FOXO3: variants seen among roughly 807,000 people sequenced by gnomAD.
FOXO3 encodes the protein forkhead box protein O3.
In FOXO3, 4 loss-of-function variants were observed where a neutral mutation model predicts 41.9. The ratio of observed to expected loss-of-function variants is 0.10; its 90% CI spans 0.05 to 0.22. The LOEUF is 0.22. Ranked by LOEUF, FOXO3 falls within the 10% of genes least tolerant of loss-of-function variation. The pLI, the probability that FOXO3 is intolerant of heterozygous loss-of-function variation, is 1.00. For synonymous variants in FOXO3, 318 were observed against 389.3 expected, an observed-to-expected ratio of 0.82 and a Z score of 2.16; for missense variants, 534 against 906.8, an observed-to-expected ratio of 0.59 and a Z score of 5.28.
At chr6:108,623,001 C>T (rs775626076) in intron 1 of FOXO3, among the ~76,000 whole-genome samples, 4 of 151,430 alleles carry the variant, frequency 2.6e-5, no homozygotes, top group African/African-American at 7.3e-5. Flanking sequence ...GGAGGGTGGG[C>T]CACGTCCAGG....
intron 2 of FOXO3, 109 bp downstream of exon 2, chr6:108,664,998 T>A: frequency 8.4e-7 from 1 of 1,186,578 alleles, no homozygotes; most frequent in South Asian, 1.6e-5. Flanking sequence ...CTGAAAACCA[T>A]GGAGCAGTGG....
chr6:108,676,684 G>A (rs1156667820), intron 2 of FOXO3, among the ~76,000 whole-genome samples: 2 of 152,286 alleles, frequency 1.3e-5, no homozygotes, highest in East Asian at 1.9e-4. Context: ...CATGAAACTT[G>A]TACCCAAGCT....
intron 2 of FOXO3, among the ~76,000 whole-genome samples, chr6:108,666,223 G>A (rs2128388282): frequency 6.6e-6 from 1 of 152,282 alleles, no homozygotes; most frequent in South Asian, 2.1e-4. Flanking sequence ...GCAGTAGGCT[G>A]AAATATGTAC....
intron 1 of FOXO3, among the ~76,000 whole-genome samples, chr6:108,611,014 A>G (rs996303928): frequency 6.6e-6 from 1 of 152,154 alleles, no homozygotes; most frequent in African/African-American, 2.4e-5. Flanking sequence ...GCTTATTTTC[A>G]TCAGTCCCTC....
At chr6:108,667,843 G>A (rs1391402754) in intron 2 of FOXO3, among the ~76,000 whole-genome samples, 1 of 152,308 alleles carries the variant, frequency 6.6e-6, no homozygotes, top group East Asian at 1.9e-4. Flanking sequence ...TGACCACAGA[G>A]CATTTAAAGA....
At chr6:108,579,233 T>G (rs190901626) in intron 1 of FOXO3, among the ~76,000 whole-genome samples, 1 of 152,326 alleles carries the variant, frequency 6.6e-6, no homozygotes, top group East Asian at 1.9e-4. Flanking sequence ...CAAGATGATA[T>G]GGCTTGAGTG....
chr6:108,563,385 C>T (rs1219625755), intron 1 of FOXO3, among the ~76,000 whole-genome samples: 2 of 152,106 alleles, frequency 1.3e-5, no homozygotes, highest in Non-Finnish European at 2.9e-5. Context: ...TAAAAGAATG[C>T]CAGGTGTATG....
Position 108,594,011 on chromosome 6 carries a change from G to A in FOXO3, c.621+32182G>A, listed in dbSNP as rs543736824. 4.6e-5 allele frequency among the ~76,000 whole-genome samples: 7 copies of A among 152,186 alleles called. No homozygotes were observed. The South Asian group carries it at 1.5e-3, about 32-fold the overall frequency. ...TGGAATTACAGGTGTGAGCCACCGT[G>A]ACCGGCCTTTGCTGTGTATTTCTTT... On this transcript the variant is annotated intron_variant, in intron 1 of 2. Coordinates refer to ENST00000406360, the MANE Select transcript of FOXO3 (RefSeq NM_001455.4).
intron 1 of FOXO3, among the ~76,000 whole-genome samples, chr6:108,569,501 C>T (rs531253197): frequency 9.5e-4 from 145 of 152,224 alleles, no homozygotes; most frequent in Non-Finnish European, 1.8e-3. Flanking sequence ...CTATAATTCG[C>T]TTGTTCCACT....
rs1777952379 is a variant in FOXO3 at position 108,630,861 on chromosome 6, G to C, written c.622-32594G>C. On this transcript the variant is annotated intron_variant, in intron 1 of 2. Transcript: ENST00000406360. The stretch of plus-strand genomic sequence containing the variant: ...CTATTTTCTCTCTTTGCCACCAAGG[G>C]TTGTTGTACTCCTTCTCAACCAGTC... Among the ~76,000 whole-genome samples the C allele has an allele frequency of 1.3e-5, 2 of 152,074 alleles. 1 individual carries two copies. The highest frequency in any genetic ancestry group is 4.8e-5 in the African/African-American group (2 of 41,400).
At chr6:108,567,822 G>C (rs1222859265) in intron 1 of FOXO3, among the ~76,000 whole-genome samples, 2 of 152,156 alleles carry the variant, frequency 1.3e-5, no homozygotes, top group African/African-American at 2.4e-5. Context: ...CCAGGTGGGT[G>C]GATCACCTGA....
intron 1 of FOXO3, among the ~76,000 whole-genome samples, chr6:108,601,630 C>G (rs1229702709): frequency 6.6e-6 from 1 of 152,176 alleles, no homozygotes; most frequent in African/African-American, 2.4e-5. Flanking sequence ...CTTATAGCAA[C>G]AGCTACCTCC....
chr6:108,562,136 C>T (rs1775818235), intron 1 of FOXO3, among the ~76,000 whole-genome samples: 1 of 151,960 alleles, frequency 6.6e-6, no homozygotes, highest in South Asian at 2.1e-4. Flanking sequence ...CCGGACAGCA[C>T]CGAGGAGGTA....
intron 1 of FOXO3, among the ~76,000 whole-genome samples, chr6:108,622,153 C>T (rs982807003): frequency 6.7e-6 from 1 of 149,602 alleles, no homozygotes; most frequent in Non-Finnish European, 1.5e-5. Context: ...CAGCCACTTG[C>T]GAGGCTGAGG....
chr6:108,644,550 C>T (rs780857639), intron 1 of FOXO3, among the ~76,000 whole-genome samples: 1 of 152,200 alleles, frequency 6.6e-6, no homozygotes, highest in South Asian at 2.1e-4. Flanking sequence ...TGGGCACGAT[C>T]GCCACACTCC....
At chr6:108,574,970 T>A (rs1776221886) in intron 1 of FOXO3, among the ~76,000 whole-genome samples, 1 of 152,140 alleles carries the variant, frequency 6.6e-6, no homozygotes, top group African/African-American at 2.4e-5. Context: ...TAACTGAGTA[T>A]AACAGCATGC....
At chr6:108,633,514 A>G (rs1438473718) in intron 1 of FOXO3, among the ~76,000 whole-genome samples, 1 of 152,220 alleles carries the variant, frequency 6.6e-6, no homozygotes, top group Non-Finnish European at 1.5e-5. Flanking sequence ...CATTTCCTGC[A>G]TGAAAAACAG....
At chr6:108,667,113 A>G (rs1406908421) in intron 2 of FOXO3, among the ~76,000 whole-genome samples, 4 of 152,202 alleles carry the variant, frequency 2.6e-5, no homozygotes, top group African/African-American at 9.7e-5. Context: ...CAACTTTCTC[A>G]GGCCTAAGAG....
At chr6:108,633,444 TA>T (rs1413484093) in intron 1 of FOXO3, among the ~76,000 whole-genome samples, 1 of 152,140 alleles carries the variant, frequency 6.6e-6, no homozygotes, top group Non-Finnish European at 1.5e-5. Flanking sequence ...ACTTAAGATA[TA>T]TGCAACTTAA....
Sources: gnomAD v4.1 joint callset for allele counts (sites outside exome capture counted in the v4.1 genomes callset) on GRCh38, gnomAD v4.1.1 for gene constraint, MANE v1.5 for transcripts, NCBI Gene and HGNC (gene_info 2026-07-23, HGNC 2026-07-21) for gene names.